The following SYNE2 variants were observed in gnomAD, a reference collection of about 807,000 sequenced individuals.
SYNE2 encodes the protein spectrin repeat containing nuclear envelope protein 2.
SYNE2 carries 431 observed loss-of-function variants against 856.3 expected under a neutral mutation model. The ratio of observed to expected loss-of-function variants is 0.50; its 90% CI spans 0.47 to 0.55. The LOEUF is 0.55. Among genes scored for constraint, SYNE2 ranks in the 20% least tolerant of loss-of-function variants. SYNE2 has a pLI of 0.00. For synonymous variants in SYNE2, 2,923 were observed against 2,872.3 expected (o/e 1.02, Z -0.56); for missense variants, 8,129 against 8,023.2 (o/e 1.01, Z -0.50).
chr14:64,116,887 G>A (rs768910717), intron 66 of SYNE2, among the ~76,000 whole-genome samples: 11 of 152,324 alleles, frequency 7.2e-5, no homozygotes, highest in Middle Eastern at 3.4e-3. Context: ...ATCATGAAAC[G>A]TGTGGAGACA....
At chr14:64,011,027 G>A (rs1035485111) in intron 32 of SYNE2, among the ~76,000 whole-genome samples, 1 of 152,200 alleles carries the variant, frequency 6.6e-6, no homozygotes, top group Admixed American at 6.5e-5. Context: ...ATACTTGGAG[G>A]TTGGAAAGCA....
At chr14:64,219,096 G>GTTTTTTTTTTTTTT (rs1214967482) in intron 109 of SYNE2, 112 bp from the exon 110 acceptor site, 3 of 758,736 alleles carry the variant, frequency 4.0e-6, no homozygotes, top group African/African-American at 2.8e-5. Flanking sequence ...ATCCCCTACA[G>GTTTTTTTTTTTTTT]TTTTTTTGTT....
At chr14:63,979,392 A>G (rs533753538) in intron 14 of SYNE2, among the ~76,000 whole-genome samples, 25 of 152,316 alleles carry the variant, frequency 1.6e-4, no homozygotes, top group Non-Finnish European at 2.4e-4. Flanking sequence ...TTCTTATAAC[A>G]TTTTGATCTT....
rs1209502708 is a variant in SYNE2 at position 63,828,437 on chromosome 14, C to A, written c.-304-24064C>A. 3.3e-5 allele frequency among the ~76,000 whole-genome samples: 5 copies of A among 151,664 alleles called. No individual in the cohort carries two copies. In the South Asian group the frequency reaches 1.0e-3, roughly 32 times the overall value. On this transcript the variant is annotated intron_variant, in intron 1 of 23. Transcript: ENST00000674003. ...GGTGGATCACCTGAGGTGAGGAGTT[C>A]AAGACCAGCCTGGCCAACATGGTAA... is the stretch of plus-strand genomic sequence containing the variant.
rs370149114 is a variant in SYNE2 at position 64,118,073 on chromosome 14, T to C, written c.12841-1354T>C. On this transcript the variant is annotated intron_variant, in intron 66 of 115. Transcript: ENST00000555002. ...ACAGCTTGCTTGGATGAAGGAGTTA[T>C]AGGATAAATTATTTGCAATTTTGTT... Among the ~76,000 whole-genome samples the C allele has an allele frequency of 1.7e-4, 26 of 152,360 alleles. 1 individual carries two copies. Among genetic ancestry groups the C allele is most frequent in the Middle Eastern group, 3.4e-3 (1 of 294 alleles).
chr14:64,121,605 G>A (rs902094735), intron 68 of SYNE2, among the ~76,000 whole-genome samples: 4 of 152,224 alleles, frequency 2.6e-5, no homozygotes, highest in African/African-American at 7.2e-5. Flanking sequence ...TTGTGTGTGT[G>A]CAGAAACTCT....
intron 1 of SYNE2, among the ~76,000 whole-genome samples, chr14:63,907,309 C>T (rs2095420284): frequency 6.6e-6 from 1 of 152,222 alleles, no homozygotes; most frequent in South Asian, 2.1e-4. Context: ...CAAACTCTCA[C>T]TCACCTTAGG....
rs573776014 is a variant in SYNE2 at position 63,936,061 on chromosome 14, G to C, written c.80-4553G>C. On this transcript the variant is annotated intron_variant, in intron 2 of 115. Coordinates refer to ENST00000555002, the MANE Select transcript of SYNE2 (RefSeq NM_182914.3). The stretch of plus-strand genomic sequence containing the variant: ...GGCTAATTTTTGTATTTTTAATAGA[G>C]ATGGGGTTTCACCATGTTGGCCACG... Among the ~76,000 whole-genome samples the C allele has an allele frequency of 5.9e-4, 90 of 152,252 alleles. 1 individual carries two copies. The highest frequency in any genetic ancestry group is 2.1e-3 in the African/African-American group (89 of 41,548).
intron 6 of SYNE2, 127 bp from the exon 7 acceptor site, chr14:63,949,698 C>G: frequency 1.1e-6 from 1 of 942,012 alleles, no homozygotes; most frequent in Non-Finnish European, 1.7e-6. Flanking sequence ...GCCCAGTATT[C>G]ATTTCACCAG....
At chr14:63,981,349 T>C (rs2096584256) in intron 16 of SYNE2, among the ~76,000 whole-genome samples, 176 bp downstream of exon 16, 1 of 143,092 alleles carries the variant, frequency 7.0e-6, no homozygotes, top group South Asian at 2.2e-4. Flanking sequence ...AAGAGGTAGT[T>C]TTCTCCACTG....
chr14:64,005,498 T>C (rs1393636189), intron 30 of SYNE2, among the ~76,000 whole-genome samples: 1 of 152,190 alleles, frequency 6.6e-6, no homozygotes, highest in African/African-American at 2.4e-5. Context: ...GTTCAAGTGC[T>C]CTTGGCTTTC....
At chr14:64,087,532 T>A in intron 57 of SYNE2, 139 bp from the exon 58 acceptor site, 1 of 894,306 alleles carries the variant, frequency 1.1e-6, no homozygotes, top group Non-Finnish European at 1.9e-6. Context: ...ATAGAGGGTG[T>A]TCTGTTTTCA....
intron 1 of SYNE2, among the ~76,000 whole-genome samples, chr14:63,763,659 G>A (rs187085502): frequency 1.5e-4 from 23 of 152,180 alleles, no homozygotes; most frequent in Middle Eastern, 3.4e-3. Flanking sequence ...AGCCCAGCCT[G>A]GGCAACATAG....
At chr14:64,010,187 A>T in intron 32 of SYNE2, 71 bp downstream of exon 32, 1 of 1,466,096 alleles carries the variant, frequency 6.8e-7, no homozygotes, top group Non-Finnish European at 9.4e-7. Context: ...AAGAGATATT[A>T]TAGATTAAGT....
intron 41 of SYNE2, 26 bp from the exon 42 acceptor site, chr14:64,026,553 T>C: frequency 1.9e-6 from 3 of 1,588,128 alleles, no homozygotes; most frequent in Non-Finnish European, 2.6e-6. Context: ...CAAATGACAT[T>C]ATAAAATCTC....
chr14:63,875,070 C>T (rs1642930497), intron 1 of SYNE2, among the ~76,000 whole-genome samples: 1 of 151,240 alleles, frequency 6.6e-6, no homozygotes, highest in South Asian at 2.1e-4. Flanking sequence ...TGGGGTGTTG[C>T]TATGTTGTCC....
chr14:64,112,902 A>G (rs985939559), intron 65 of SYNE2, among the ~76,000 whole-genome samples: 5 of 152,202 alleles, frequency 3.3e-5, no homozygotes, highest in Admixed American at 1.3e-4. Flanking sequence ...CCCTGCTGGG[A>G]GGTAAAGATC....
chr14:64,031,907 C>T (rs2097039464), intron 45 of SYNE2, among the ~76,000 whole-genome samples: 1 of 152,184 alleles, frequency 6.6e-6, no homozygotes, highest in African/African-American at 2.4e-5. Context: ...CACATGAGTA[C>T]ATTTCTTGTG....
At position 64,089,708 on chromosome 14, in the gene SYNE2, T is replaced by C. The variant is rs568556801; in HGVS notation, c.11793+12T>C. On this transcript the variant is annotated intron_variant, in intron 59 of 115. Coordinates refer to ENST00000555002, the MANE Select transcript of SYNE2 (RefSeq NM_182914.3). ...TCAAACATGGGGAGGTAAGCATAGA[T>C]TATTATTTAAAGTATTTTCTTATGA... The C allele has an allele frequency of 2.0e-4, 305 of 1,547,400 alleles. No individual in the cohort carries two copies. Among genetic ancestry groups the C allele is most frequent in the Admixed American group, 3.0e-4 (18 of 59,620 alleles).
Sources: gnomAD v4.1 joint callset for allele counts (sites outside exome capture counted in the v4.1 genomes callset) on GRCh38, gnomAD v4.1.1 for gene constraint, MANE v1.5 for transcripts, NCBI Gene and HGNC (gene_info 2026-07-23, HGNC 2026-07-21) for gene names.